Variants in CNTNAP2 observed in about 807,000 individuals in gnomAD.
CNTNAP2 encodes contactin-associated protein-like 2.
Under a neutral mutation model 155.2 loss-of-function variants are expected in CNTNAP2, and 98 were observed. That is an observed-to-expected ratio of 0.63 (90% CI 0.54 to 0.75). The LOEUF (loss-of-function observed/expected upper bound fraction) is 0.75, where lower values mean the gene tolerates loss of function less well. Among genes scored for constraint, CNTNAP2 ranks in the 30% least tolerant of loss-of-function variants. CNTNAP2 has a pLI of 0.00. For synonymous variants in CNTNAP2, 651 were observed against 631.2 expected (o/e 1.03, Z -0.47); for missense variants, 1,727 against 1,688.1 (o/e 1.02, Z -0.40).
intron 8 of CNTNAP2, among the ~76,000 whole-genome samples, chr7:147,162,772 A>C (rs546523408): frequency 4.6e-5 from 7 of 152,298 alleles, no homozygotes; most frequent in Admixed American, 3.9e-4. Flanking sequence ...AAGCATAAAA[A>C]CATGTCTGAC....
At chr7:147,817,916 A>AAG (rs1387466678) in intron 13 of CNTNAP2, among the ~76,000 whole-genome samples, 1 of 151,818 alleles carries the variant, frequency 6.6e-6, no homozygotes, top group East Asian at 1.9e-4. Context: ...AAAAAAAAAA[A>AAG]AAAAAATAGC....
At chr7:146,130,813 C>A (rs192943906) in intron 1 of CNTNAP2, among the ~76,000 whole-genome samples, 1 of 152,148 alleles carries the variant, frequency 6.6e-6, no homozygotes, top group Non-Finnish European at 1.5e-5. Context: ...GAAGCAAAGG[C>A]ACGTCTTACA....
At chr7:146,302,294 A>G (rs1479214204) in intron 1 of CNTNAP2, among the ~76,000 whole-genome samples, 1 of 152,162 alleles carries the variant, frequency 6.6e-6, no homozygotes, top group African/African-American at 2.4e-5. Context: ...TATTTAGACA[A>G]TCGCAACTTC....
chr7:146,628,631 A>G (rs1323550910), intron 1 of CNTNAP2, among the ~76,000 whole-genome samples: 4 of 152,122 alleles, frequency 2.6e-5, no homozygotes, highest in African/African-American at 9.6e-5. Context: ...TTAAAAAATA[A>G]AAAAATGAAA....
chr7:146,203,539 A>G (rs7798919), intron 1 of CNTNAP2, among the ~76,000 whole-genome samples: 44,263 of 152,034 alleles, frequency 0.29, 7,314 homozygotes, highest in African/African-American at 0.45. Context: ...CAAGTGTTCG[A>G]ATATCCGGAA....
At chr7:146,322,257 C>T (rs910688076) in intron 1 of CNTNAP2, among the ~76,000 whole-genome samples, 22 of 152,172 alleles carry the variant, frequency 1.4e-4, no homozygotes, top group African/African-American at 5.1e-4. Flanking sequence ...AGTATTTGCA[C>T]TGTCAGATAA....
intron 21 of CNTNAP2, among the ~76,000 whole-genome samples, chr7:148,279,603 G>A (rs753197136): frequency 1.3e-5 from 2 of 152,118 alleles, no homozygotes; most frequent in African/African-American, 2.4e-5. Flanking sequence ...ATCAGAAACC[G>A]AACACCACCT....
rs114770178 is a variant in CNTNAP2 at position 147,938,406 on chromosome 7, A to G, written c.2255+34685A>G. Among the ~76,000 whole-genome samples, 610 of 152,316 alleles carry G rather than the reference A, an allele frequency of 4.0e-3. 2 individuals are homozygous for G. Among genetic ancestry groups the G allele is most frequent in the African/African-American group, 0.014 (584 of 41,574 alleles). On this transcript the variant is annotated intron_variant, in intron 14 of 23. Transcript: ENST00000361727. Reference sequence around the variant, plus strand: ...ACCCATACATAAAAGAACTTGGAATATTATAGAGGAAACACGAAGAATTAA... The same window carrying G: ...ACCCATACATAAAAGAACTTGGAATGTTATAGAGGAAACACGAAGAATTAA...
At chr7:147,236,957 C>T (rs1194269778) in intron 8 of CNTNAP2, among the ~76,000 whole-genome samples, 1 of 151,174 alleles carries the variant, frequency 6.6e-6, no homozygotes, top group Non-Finnish European at 1.5e-5. Flanking sequence ...AAAATTTATA[C>T]CCTTTGGATT....
At chr7:147,796,139 A>G (rs1004193784) in intron 13 of CNTNAP2, among the ~76,000 whole-genome samples, 2 of 152,240 alleles carry the variant, frequency 1.3e-5, no homozygotes. Flanking sequence ...AAGCTAGTCC[A>G]AGATGCCTCA....
chr7:147,503,540 C>T (rs936770087), intron 11 of CNTNAP2, among the ~76,000 whole-genome samples: 4 of 152,116 alleles, frequency 2.6e-5, no homozygotes, highest in African/African-American at 9.7e-5. Flanking sequence ...CTCCGTTATG[C>T]CATCCCCTAA....
intron 3 of CNTNAP2, among the ~76,000 whole-genome samples, chr7:146,933,920 T>C (rs1796847412): frequency 6.6e-6 from 1 of 151,608 alleles, no homozygotes; most frequent in Non-Finnish European, 1.5e-5. Context: ...AGAATGGCAA[T>C]CATTAAAAAG....
chr7:148,051,267 T>C lies in CNTNAP2; in HGVS notation c.2384-66851T>C, dbSNP rs78016531. Among the ~76,000 whole-genome samples the C allele has an allele frequency of 8.3e-3, 1,271 of 152,362 alleles. 11 individuals are homozygous for C. Among genetic ancestry groups the C allele is most frequent in the Non-Finnish European group, 0.014 (950 of 68,038 alleles). ...CATTTTTGTATTAAGTTGGCCTATG[T>C]TCTTTTCTCAATAGGTAACCAAAAT... On this transcript the variant is annotated intron_variant, in intron 15 of 23. Coordinates refer to ENST00000361727, the MANE Select transcript of CNTNAP2 (RefSeq NM_014141.6).
At chr7:146,140,384 C>T (rs894263128) in intron 1 of CNTNAP2, among the ~76,000 whole-genome samples, 1 of 152,068 alleles carries the variant, frequency 6.6e-6, no homozygotes, top group Non-Finnish European at 1.5e-5. Flanking sequence ...TCCCTCATCA[C>T]ACTTTTGCCA....
chr7:147,388,017 A>G (rs1796651761), intron 9 of CNTNAP2, among the ~76,000 whole-genome samples: 2 of 151,860 alleles, frequency 1.3e-5, no homozygotes, highest in South Asian at 2.1e-4. Flanking sequence ...GGAGCTTTCT[A>G]TTTTCCCTGT....
chr7:146,740,529 T>C (rs2129180917), intron 1 of CNTNAP2, among the ~76,000 whole-genome samples: 1 of 152,332 alleles, frequency 6.6e-6, no homozygotes, highest in East Asian at 1.9e-4. Flanking sequence ...TGTACTTCTA[T>C]GTCAAAGCCT....
At chr7:147,923,492 G>A (rs2116784491) in intron 14 of CNTNAP2, among the ~76,000 whole-genome samples, 1 of 152,098 alleles carries the variant, frequency 6.6e-6, no homozygotes, top group Middle Eastern at 3.4e-3. Flanking sequence ...TTTCCCCTAG[G>A]CCCTTCTCTC....
At chr7:147,036,071 T>G (rs1563052698) in intron 3 of CNTNAP2, among the ~76,000 whole-genome samples, 1 of 152,212 alleles carries the variant, frequency 6.6e-6, no homozygotes. Context: ...TCAAAGACTC[T>G]TAGTCCATGG....
chr7:147,242,590 T>C (rs1181469194), intron 8 of CNTNAP2, among the ~76,000 whole-genome samples: 4 of 152,218 alleles, frequency 2.6e-5, no homozygotes, highest in African/African-American at 7.2e-5. Flanking sequence ...TTTTAAAAAC[T>C]GGTACCCCGA....
Sources: allele counts gnomAD v4.1 joint callset (sites outside exome capture counted in the v4.1 genomes callset), GRCh38; gene constraint gnomAD v4.1.1; transcripts MANE v1.5; gene names NCBI Gene and HGNC (gene_info 2026-07-23, HGNC 2026-07-21).